Variants in ZFR observed in about 807,000 individuals in gnomAD.
The protein encoded by ZFR is zinc finger RNA-binding protein.
ZFR carries 19 observed loss-of-function variants against 130.7 expected under a neutral mutation model. The ratio of observed to expected loss-of-function variants is 0.15; its 90% CI spans 0.10 to 0.21. ZFR has a LOEUF of 0.21. ZFR is among the 10% of genes least tolerant of loss of function. The probability of loss-of-function intolerance (pLI) is 1.00; values close to 1 mark genes in which losing one functional copy is unlikely to be tolerated. For missense variants in ZFR, 872 were observed against 1,321.5 expected (o/e 0.66, Z 5.27); for synonymous variants, 466 against 456.9 (o/e 1.02, Z -0.25).
chr5:32,383,584 C>A (rs1165746104), intron 15 of ZFR, among the ~76,000 whole-genome samples: 1 of 152,092 alleles, frequency 6.6e-6, no homozygotes, highest in Non-Finnish European at 1.5e-5. Flanking sequence ...TTAAAAAGGA[C>A]CATTATGCAT....
rs112331968 is a variant in ZFR, at chr5:32,377,169, A to T, written c.2835+1946T>A. ...AGACTCCATCTGAAAAAAAAAAAAA[A>T]AAAAAAAAAAAGTGGTAACTTTCCT... On this transcript the variant is annotated intron_variant, in intron 17 of 19. Transcript: ENST00000265069. Among the ~76,000 whole-genome samples, 432 of 61,284 alleles carry T rather than the reference A, an allele frequency of 7.0e-3. 2 individuals are homozygous for T. Among genetic ancestry groups the T allele is most frequent in the Non-Finnish European group, 7.7e-3 (220 of 28,454 alleles). The allele number at this position is 61,284 out of a possible 152,430, so 40.2% of individuals were successfully genotyped here.
intron 2 of ZFR, among the ~76,000 whole-genome samples, 198 bp from the exon 3 acceptor site, chr5:32,420,301 CTTTTT>C (rs892616842): frequency 1.3e-4 from 19 of 149,924 alleles, no homozygotes; most frequent in Admixed American, 1.1e-3. Context: ...AATTTTCATT[CTTTTT>C]TTTTTAAATT....
At position 32,364,186 on chromosome 5, in the gene ZFR, A is replaced by T; in HGVS notation, c.2925T>A (p.Ile975=). The change falls in exon 18 of 20, where the codon ATT becomes ATA. Residue 975 remains isoleucine, a synonymous_variant. Coordinates refer to ENST00000265069, the MANE Select transcript of ZFR (RefSeq NM_016107.5). Reference sequence around the variant, plus strand: ...TACCTTTAAGAATAATCCCTGAAGAAATGCATTCAAAAACTCTTCTCAGTG... The same window carrying T: ...TACCTTTAAGAATAATCCCTGAAGATATGCATTCAAAAACTCTTCTCAGTG... ...GDALRRVFEC[I]SSGIILKGSP... is the part of the protein sequence containing the mutation. 6.2e-7 allele frequency: 1 copy of T among 1,612,034 alleles called. No homozygotes were observed. Among genetic ancestry groups the T allele is most frequent in the Non-Finnish European group, 8.5e-7 (1 of 1,178,336 alleles).
chr5:32,418,192 G>A (rs1469534822), intron 3 of ZFR, among the ~76,000 whole-genome samples: 2 of 151,810 alleles, frequency 1.3e-5, no homozygotes, highest in African/African-American at 4.8e-5. Flanking sequence ...CCCGGGAGGC[G>A]GAGGTTGCAG....
At chr5:32,427,374 C>CAAAAAAAAAAAAA (rs540663022) in intron 2 of ZFR, among the ~76,000 whole-genome samples, 1 of 66,494 alleles carries the variant, frequency 1.5e-5, no homozygotes, top group African/African-American at 6.5e-5. Context: ...GACTCTGTCT[C>CAAAAAAAAAAAAA]AAAAAAAAAA....
chr5:32,384,629 C>T (rs1157193752), intron 15 of ZFR, among the ~76,000 whole-genome samples: 1 of 152,074 alleles, frequency 6.6e-6, no homozygotes, highest in Non-Finnish European at 1.5e-5. Context: ...GACTGTTATT[C>T]CATACTCAAC....
chr5:32,388,795 C>G, intron 12 of ZFR, 121 bp from the exon 13 acceptor site: 1 of 976,368 alleles, frequency 1.0e-6, no homozygotes, highest in Non-Finnish European at 1.5e-6. Flanking sequence ...CTTCTTTTTT[C>G]CATTTCAGTA....
intron 4 of ZFR, among the ~76,000 whole-genome samples, chr5:32,415,497 T>TGTGTGTGTGC (rs1228811304): frequency 1.3e-4 from 13 of 101,734 alleles, no homozygotes; most frequent in Non-Finnish European, 2.4e-4. Context: ...TGTGTGTGTG[T>TGTGTGTGTGC]GTGTGTGTGT....
At chr5:32,407,683 G>A (rs1470963747) in intron 5 of ZFR, among the ~76,000 whole-genome samples, 1 of 152,056 alleles carries the variant, frequency 6.6e-6, no homozygotes, top group Non-Finnish European at 1.5e-5. Flanking sequence ...AAAGATTTAG[G>A]AATTAGGGAC....
chr5:32,414,416 T>C (rs1175641909), intron 5 of ZFR, among the ~76,000 whole-genome samples: 1 of 152,218 alleles, frequency 6.6e-6, no homozygotes, highest in Non-Finnish European at 1.5e-5. Context: ...AAAAAGGTTT[T>C]AGCCATTGTA....
chr5:32,439,923 C>A (rs1222280020), intron 2 of ZFR, among the ~76,000 whole-genome samples: 1 of 150,984 alleles, frequency 6.6e-6, no homozygotes, highest in African/African-American at 2.4e-5. Flanking sequence ...GTATATGCCA[C>A]GAATTCTCCT....
At chr5:32,386,738 T>G (rs191078772) in intron 14 of ZFR, among the ~76,000 whole-genome samples, 13 of 152,288 alleles carry the variant, frequency 8.5e-5, no homozygotes, top group Admixed American at 2.6e-4. Flanking sequence ...AGTTTTAAGT[T>G]TAATAGTGTG....
At chr5:32,415,769 ATGTC>A (rs1281302693) in intron 4 of ZFR, among the ~76,000 whole-genome samples, 2 of 152,150 alleles carry the variant, frequency 1.3e-5, no homozygotes, top group African/African-American at 4.8e-5. Flanking sequence ...GCTGCCACTG[ATGTC>A]TGTCAACTTC....
rs1752290977 is a variant in ZFR at position 32,355,750 on chromosome 5, CA to C, written c.*9del. On this transcript the variant is annotated 3_prime_UTR_variant, in exon 20 of 20. Transcript: ENST00000265069. ...CTGTTTTTTTAACACTGAAGATTTA[CA>C]GACACTTTTTAAAAGTTATCATAAT... 6.4e-7 allele frequency: 1 copy of C among 1,566,554 alleles called. No individual in the cohort carries two copies. The highest frequency in any genetic ancestry group is 1.2e-5 in the South Asian group (1 of 82,856).
rs62360819 is a variant in ZFR at position 32,377,105 on chromosome 5, A to T, written c.2835+2010T>A. Reference sequence around the variant, plus strand: ...TGGGAGGCGGAGCTTGCAGTGAGCCAAGATCGTGCCACTGCACTCCAGCCT... The same window carrying T: ...TGGGAGGCGGAGCTTGCAGTGAGCCTAGATCGTGCCACTGCACTCCAGCCT... On this transcript the variant is annotated intron_variant, in intron 17 of 19. Transcript: ENST00000265069. Among the ~76,000 whole-genome samples the T allele has an allele frequency of 3.4e-5, 5 of 147,840 alleles. No individual in the cohort carries two copies. The East Asian group carries it at 1.1e-3, about 31-fold the overall frequency.
intron 5 of ZFR, among the ~76,000 whole-genome samples, chr5:32,409,451 G>A (rs1387454818): frequency 6.7e-6 from 1 of 149,668 alleles, no homozygotes; most frequent in Non-Finnish European, 1.5e-5. Flanking sequence ...TTTTGCCCAG[G>A]CTGGGGTGCA....
chr5:32,372,650 T>C (rs550320194), intron 17 of ZFR, among the ~76,000 whole-genome samples: 4 of 152,140 alleles, frequency 2.6e-5, no homozygotes, highest in Non-Finnish European at 5.9e-5. Flanking sequence ...CTGGCCAACA[T>C]GGTGAAACTC....
At chr5:32,444,591 G>C in intron 1 of ZFR, 31 bp downstream of exon 1, 1 of 1,475,520 alleles carries the variant, frequency 6.8e-7, no homozygotes, top group Non-Finnish European at 9.0e-7. Context: ...AGGGGGCCGG[G>C]CAGAGGCCTC....
intron 17 of ZFR, among the ~76,000 whole-genome samples, chr5:32,370,942 A>G (rs1752657871): frequency 6.6e-6 from 1 of 152,250 alleles, no homozygotes; most frequent in African/African-American, 2.4e-5. Flanking sequence ...AGTAATCTGA[A>G]TGCTAAATAA....
Sources: gnomAD v4.1 joint callset for allele counts (sites outside exome capture counted in the v4.1 genomes callset) on GRCh38, gnomAD v4.1.1 for gene constraint, MANE v1.5 for transcripts, NCBI Gene and HGNC (gene_info 2026-07-23, HGNC 2026-07-21) for gene names.